The following PAPPA2 variants were observed in gnomAD, a reference collection of about 807,000 sequenced individuals.
The protein encoded by PAPPA2 is pappalysin-2.
Under a neutral mutation model 176.4 loss-of-function variants are expected in PAPPA2, and 86 were observed. The observed-to-expected ratio is 0.49, with a 90% CI of 0.41 to 0.58. The LOEUF (loss-of-function observed/expected upper bound fraction) is 0.58, where lower values mean the gene tolerates loss of function less well. Ranked by LOEUF, PAPPA2 falls within the 20% of genes least tolerant of loss-of-function variation. PAPPA2 has a pLI of 0.00. For missense variants in PAPPA2, 2,073 were observed against 2,256.9 expected (o/e 0.92, Z 1.65); for synonymous variants, 809 against 852.2 (o/e 0.95, Z 0.88).
intron 4 of PAPPA2, among the ~76,000 whole-genome samples, chr1:176,679,444 A>G (rs1212229948): frequency 1.3e-5 from 2 of 152,164 alleles, no homozygotes; most frequent in African/African-American, 2.4e-5. Context: ...ATTTAGTGAT[A>G]CTATCATTTT....
chr1:176,822,021 T>C (rs752189333), intron 21 of PAPPA2, among the ~76,000 whole-genome samples: 22 of 152,178 alleles, frequency 1.4e-4, no homozygotes, highest in Non-Finnish European at 2.9e-4. Flanking sequence ...TCTGGAGCCT[T>C]ATGTACTAAA....
intron 21 of PAPPA2, chr1:176,836,805 A>C (rs1667289148): frequency 6.6e-6 from 1 of 152,170 alleles, no homozygotes; most frequent in Admixed American, 6.5e-5. Flanking sequence ...CATGAGCTAA[A>C]AAAAATAAAA....
chr1:176,818,328 G>A (rs911629479), intron 21 of PAPPA2, among the ~76,000 whole-genome samples: 1 of 152,178 alleles, frequency 6.6e-6, no homozygotes, highest in Admixed American at 6.5e-5. Flanking sequence ...AGTCAAGTGA[G>A]AAGGGAGTAA....
chr1:176,715,312 G>A (rs770492665), intron 12 of PAPPA2, among the ~76,000 whole-genome samples: 17 of 152,158 alleles, frequency 1.1e-4, no homozygotes, highest in Non-Finnish European at 2.2e-4. Context: ...CTGTTTATAG[G>A]CCTTCTCCTG....
intron 1 of PAPPA2, among the ~76,000 whole-genome samples, chr1:176,504,910 C>A (rs1228929594): frequency 6.6e-6 from 1 of 152,080 alleles, no homozygotes; most frequent in East Asian, 1.9e-4. Flanking sequence ...CTATAATCTA[C>A]CCATAATGGG....
At chr1:176,629,472 G>T (rs1433759281) in intron 3 of PAPPA2, among the ~76,000 whole-genome samples, 1 of 152,108 alleles carries the variant, frequency 6.6e-6, no homozygotes, top group East Asian at 1.9e-4. Flanking sequence ...ATATGGGTCT[G>T]CCAGAGCCTC....
chr1:176,739,063 A>C (rs771779170), intron 12 of PAPPA2, among the ~76,000 whole-genome samples: 3 of 152,166 alleles, frequency 2.0e-5, no homozygotes, highest in Non-Finnish European at 4.4e-5. Context: ...GCAGATTCTA[A>C]TTTCAGAAGC....
At chr1:176,690,506 G>C (rs566148348) in intron 5 of PAPPA2, 76 bp downstream of exon 5, 1 of 1,560,530 alleles carries the variant, frequency 6.4e-7, no homozygotes, top group African/African-American at 1.4e-5. Flanking sequence ...TGGAGGTGTG[G>C]GAGCTGATGG....
In PAPPA2 at chr1:176,595,113, C is replaced by A. The variant is rs745774163; in HGVS notation, c.1509C>A (p.Val503=). The part of the protein sequence containing the change: ...PLQPPLCGQT[V]CDNVELISQY... ...AGCCCCCACTCTGTGGGCAAACAGT[C>A]TGTGACAATGTGGAATTGATCTCCC... The change falls in exon 3 of 23, where the codon GTC becomes GTA. Residue 503 remains valine (V), a synonymous_variant. Coordinates refer to ENST00000367662, the MANE Select transcript of PAPPA2 (RefSeq NM_020318.3). 8 of 1,614,022 alleles carry A rather than the reference C, an allele frequency of 5.0e-6. No homozygotes were observed. The highest frequency in any genetic ancestry group is 6.8e-6 in the Non-Finnish European group (8 of 1,180,022).
At chr1:176,526,399 C>G (rs1025542587) in intron 1 of PAPPA2, among the ~76,000 whole-genome samples, 3 of 152,202 alleles carry the variant, frequency 2.0e-5, no homozygotes, top group Non-Finnish European at 4.4e-5. Context: ...TGTTCCACTT[C>G]CAAGTTTAGC....
rs533111662 is a variant in PAPPA2 at position 176,739,011 on chromosome 1, A to T, written c.3799-615A>T. Reference sequence around the variant, plus strand: ...TTTCCTGGCCGGGGACTGGGTATACATGCTTGATGCACCAGGAAGACACAT... The same window carrying T: ...TTTCCTGGCCGGGGACTGGGTATACTTGCTTGATGCACCAGGAAGACACAT... On this transcript the variant is annotated intron_variant, in intron 12 of 22. Transcript: ENST00000367662. Among the ~76,000 whole-genome samples, 19 of 152,212 alleles carry T rather than the reference A, an allele frequency of 1.2e-4. No individual in the cohort carries two copies. In the East Asian group the frequency reaches 3.5e-3, roughly 28 times the overall value.
intron 8 of PAPPA2, 145 bp from the exon 9 acceptor site, chr1:176,702,462 A>T: frequency 8.2e-7 from 1 of 1,220,668 alleles, no homozygotes; most frequent in Non-Finnish European, 1.1e-6. Flanking sequence ...CTGTGCCCTG[A>T]TCTTTGTTTT....
At chr1:176,819,326 G>T (rs1374336207) in intron 21 of PAPPA2, among the ~76,000 whole-genome samples, 3 of 152,140 alleles carry the variant, frequency 2.0e-5, no homozygotes, top group East Asian at 3.9e-4. Context: ...TGTTGTTGTT[G>T]TTGTTGTTAA....
In PAPPA2 at chr1:176,692,137, A is replaced by G; in HGVS notation, c.2443A>G (p.Thr815Ala). Residue 815 changes from threonine (T) to alanine (A), a missense_variant, in exon 6 of 23, where the codon ACT becomes GCT. Physicochemically the swap from Thr to Ala is moderately conservative, Grantham distance 58. Transcript: ENST00000367662. ...TTTTGTCTCCACAGATGATAACTGC[A>G]CTGACAACTTCACTCCTAACCAAGT... ...NYMSYTDDNC[T>A]DNFTPNQVAR... The G allele has an allele frequency of 6.2e-7, 1 of 1,613,300 alleles. No individual in the cohort carries two copies. The highest frequency in any genetic ancestry group is 8.5e-7 in the Non-Finnish European group (1 of 1,179,526).
At chr1:176,816,460 C>T (rs1350517203) in intron 21 of PAPPA2, among the ~76,000 whole-genome samples, 1 of 151,088 alleles carries the variant, frequency 6.6e-6, no homozygotes, top group African/African-American at 2.4e-5. Context: ...AATTCCTGAG[C>T]TTTCTGTTGG....
intron 14 of PAPPA2, among the ~76,000 whole-genome samples, chr1:176,745,662 C>T (rs1001751931): frequency 6.6e-6 from 1 of 152,136 alleles, no homozygotes; most frequent in Non-Finnish European, 1.5e-5. Flanking sequence ...AAGGGAGCAA[C>T]CATTACTTTT....
At chr1:176,613,842 C>A (rs1285120813) in intron 3 of PAPPA2, among the ~76,000 whole-genome samples, 1 of 152,082 alleles carries the variant, frequency 6.6e-6, no homozygotes, top group Non-Finnish European at 1.5e-5. Context: ...AATGTGACCT[C>A]CAGGAAATTT....
chr1:176,572,278 T>A (rs1244129918), intron 2 of PAPPA2, among the ~76,000 whole-genome samples: 2 of 152,338 alleles, frequency 1.3e-5, no homozygotes, highest in Admixed American at 6.5e-5. Context: ...TGTCAATTCC[T>A]TAGATCACTT....
intron 21 of PAPPA2, among the ~76,000 whole-genome samples, chr1:176,814,688 G>A (rs186285303): frequency 1.8e-4 from 28 of 152,294 alleles, no homozygotes; most frequent in African/African-American, 6.0e-4. Flanking sequence ...TTTTTGCTGA[G>A]ACAACAGGGT....
Sources: gnomAD v4.1 joint callset for allele counts (sites outside exome capture counted in the v4.1 genomes callset) on GRCh38, gnomAD v4.1.1 for gene constraint, MANE v1.5 for transcripts, NCBI Gene and HGNC (gene_info 2026-07-23, HGNC 2026-07-21) for gene names.